METTL9: variants seen among roughly 807,000 people sequenced by gnomAD.
The protein encoded by METTL9 is protein-L-histidine N-pros-methyltransferase.
A neutral mutation model predicts 36.0 loss-of-function variants in METTL9; 10 were observed. The ratio of observed to expected loss-of-function variants is 0.28; its 90% CI spans 0.17 to 0.47. The LOEUF (loss-of-function observed/expected upper bound fraction) is 0.47, where lower values mean the gene tolerates loss of function less well. Among genes scored for constraint, METTL9 ranks in the 20% least tolerant of loss-of-function variants. The pLI, the probability that METTL9 is intolerant of heterozygous loss-of-function variation, is 0.99. For missense variants in METTL9, 246 were observed against 383.5 expected (o/e 0.64, Z 3.00); for synonymous variants, 175 against 149.7 (o/e 1.17, Z -1.23).
intron 4 of METTL9, among the ~76,000 whole-genome samples, chr16:21,633,774 T>A (rs1966020943): frequency 6.6e-6 from 1 of 152,218 alleles, no homozygotes; most frequent in Non-Finnish European, 1.5e-5. Context: ...AGCCTTGAGC[T>A]TTTAAATGTT....
chr16:21,633,598 T>G (rs1295878013), intron 4 of METTL9, among the ~76,000 whole-genome samples: 1 of 152,144 alleles, frequency 6.6e-6, no homozygotes, highest in Non-Finnish European at 1.5e-5. Flanking sequence ...CCATTCTGCC[T>G]CCTCTGGTAT....
chr16:21,650,613 C>T (rs1293189300), intron 4 of METTL9, among the ~76,000 whole-genome samples: 1 of 151,646 alleles, frequency 6.6e-6, no homozygotes, highest in African/African-American at 2.4e-5. Context: ...GTATTTGTAA[C>T]TTTGGAATTT....
intron 4 of METTL9, among the ~76,000 whole-genome samples, chr16:21,630,079 T>G (rs1337699887): frequency 6.6e-6 from 1 of 152,214 alleles, no homozygotes; most frequent in Non-Finnish European, 1.5e-5. Context: ...AGAGTGCTGA[T>G]TGGTACATTT....
intron 4 of METTL9, chr16:21,654,773 A>C (rs1269681338): frequency 6.4e-6 from 1 of 156,544 alleles, no homozygotes; most frequent in Non-Finnish European, 1.4e-5. Context: ...TAAGTTGCAT[A>C]AGTTTACTAT....
At chr16:21,638,055 T>C (rs906097382) in intron 4 of METTL9, among the ~76,000 whole-genome samples, 1 of 152,232 alleles carries the variant, frequency 6.6e-6, no homozygotes, top group Admixed American at 6.5e-5. Flanking sequence ...CGGTGGCTTA[T>C]GCCTGTAATC....
At chr16:21,652,247 G>T in intron 4 of METTL9, 2 of 264,222 alleles carry the variant, frequency 7.6e-6, no homozygotes. Flanking sequence ...TTAAATTATT[G>T]ATAACTTATA....
At chr16:21,623,186 T>G (rs910182578) in intron 3 of METTL9, among the ~76,000 whole-genome samples, 3 of 152,216 alleles carry the variant, frequency 2.0e-5, no homozygotes, top group African/African-American at 7.2e-5. Flanking sequence ...AAACAGTATT[T>G]AGTGCAATGA....
chr16:21,623,693 CGA>C (rs926682847), intron 3 of METTL9, among the ~76,000 whole-genome samples: 1 of 152,092 alleles, frequency 6.6e-6, no homozygotes, highest in Non-Finnish European at 1.5e-5. Context: ...GATTGAGGAT[CGA>C]GAGTGGTTTT....
chr16:21,642,046 G>C (rs1431806967), intron 4 of METTL9: 1 of 152,428 alleles, frequency 6.6e-6, no homozygotes, highest in African/African-American at 2.4e-5. Flanking sequence ...GTGAAAGTTA[G>C]ATTTTTAGCG....
chr16:21,624,514 G>C (rs879390558), intron 3 of METTL9, among the ~76,000 whole-genome samples: 6 of 152,108 alleles, frequency 3.9e-5, no homozygotes, highest in Non-Finnish European at 8.8e-5. Flanking sequence ...ATCGCTTGAG[G>C]TGAGGAGTTC....
chr16:21,617,291 G>A (rs1169317257), intron 2 of METTL9, among the ~76,000 whole-genome samples: 3 of 151,810 alleles, frequency 2.0e-5, no homozygotes, highest in South Asian at 2.1e-4. Flanking sequence ...GGTGGCGGGC[G>A]CCTGTAGTCC....
chr16:21,640,529 T>G (rs781241411), intron 4 of METTL9: 1 of 147,302 alleles, frequency 6.8e-6, no homozygotes, highest in Non-Finnish European at 1.5e-5. Flanking sequence ...TTCAGGCAGA[T>G]CATCTGAGGT....
At chr16:21,630,339 A>G (rs1289218091) in intron 4 of METTL9, among the ~76,000 whole-genome samples, 1 of 151,360 alleles carries the variant, frequency 6.6e-6, no homozygotes, top group Non-Finnish European at 1.5e-5. Context: ...CTCCCTTCAC[A>G]CCTCCCTGTG....
At chr16:21,639,166 G>A (rs987449373) in intron 4 of METTL9, among the ~76,000 whole-genome samples, 1 of 152,142 alleles carries the variant, frequency 6.6e-6, no homozygotes, top group African/African-American at 2.4e-5. Context: ...AATGAATACT[G>A]TGTATACACC....
In METTL9 at chr16:21,599,889, G is replaced by T; in HGVS notation, c.156G>T (p.Glu52Asp). ...CGGCGGCCGCGGGCGGCAGGAAGGA[G>T]AACCACCAGGTACGGGCTGGGGCCG... ...GPAAAAGGRK[E>D]NHQWYVCNRE... Residue 52 changes from glutamate (E) to aspartate (D), a missense_variant, in exon 1 of 5, where the codon GAG (glutamate) becomes GAT (aspartate). By Grantham distance (45) the Glu-to-Asp change is conservative (BLOSUM62 2). Transcript: ENST00000358154. This position sits in a 1 kb window ranked among gnomAD's most constrained non-coding sequence, Gnocchi z 4.4. 6.9e-7 allele frequency: 1 copy of T among 1,459,738 alleles called. No homozygotes were observed. The highest frequency in any genetic ancestry group is 1.3e-5 in the South Asian group (1 of 76,588). 90.4% of individuals were successfully genotyped at this position (1,459,738 alleles called of 1,614,324 possible).
intron 4 of METTL9, chr16:21,641,629 G>A: frequency 7.2e-7 from 1 of 1,392,516 alleles, no homozygotes; most frequent in Non-Finnish European, 1.0e-6. Flanking sequence ...CATGTTTAAG[G>A]TTATGTAACC....
chr16:21,620,518 C>A (rs1053518502), intron 3 of METTL9, among the ~76,000 whole-genome samples: 1 of 152,168 alleles, frequency 6.6e-6, no homozygotes, highest in African/African-American at 2.4e-5. Flanking sequence ...CCGCCCCAGC[C>A]TTCTTTTGCT....
intron 2 of METTL9, among the ~76,000 whole-genome samples, chr16:21,615,081 C>T (rs750769925): frequency 2.0e-5 from 3 of 152,150 alleles, no homozygotes; most frequent in Non-Finnish European, 4.4e-5. Context: ...CTCCCATTGC[C>T]CCCTAGAGGG....
rs575025385 is a variant in METTL9, at chr16:21,655,706, AT to A, written c.*280del. The A allele has an allele frequency of 9.1e-4, 316 of 348,482 alleles. 4 individuals carry two copies. The East Asian group carries it at 0.011, about 13-fold the overall frequency. 21.6% of individuals were successfully genotyped at this position (348,482 alleles called of 1,614,324 possible). A position where few individuals can be genotyped will look rare whatever the true frequency, so the allele number is the denominator to read the frequency against. On this transcript the variant is annotated 3_prime_UTR_variant, in exon 5 of 5. Transcript: ENST00000358154. The stretch of plus-strand genomic sequence containing the variant: ...TCACACTCCAATTATGATGGAAGAT[AT>A]TTTTTATACTTAATTGCAGTAGGGA...
Sources: gnomAD v4.1 joint callset for allele counts (sites outside exome capture counted in the v4.1 genomes callset) on GRCh38, gnomAD v4.1.1 for gene constraint, Gnocchi (gnomAD v3.1) non-coding constraint, MANE v1.5 for transcripts, NCBI Gene and HGNC (gene_info 2026-07-23, HGNC 2026-07-21) for gene names.